The following SEC22B variants were observed in gnomAD, a reference collection of about 807,000 sequenced individuals.
SEC22B encodes SEC22 homolog B, vesicle trafficking protein.
A neutral mutation model predicts 31.4 loss-of-function variants in SEC22B; 10 were observed. The ratio of observed to expected loss-of-function variants is 0.32; its 90% confidence interval spans 0.20 to 0.54. The LOEUF (loss-of-function observed/expected upper bound fraction) is 0.54. Among genes scored for constraint, SEC22B ranks in the 20% least tolerant of loss-of-function variants. SEC22B has a pLI of 0.94. For synonymous variants in SEC22B, 60 were observed against 95.9 expected, an observed-to-expected ratio of 0.63 and a Z score of 2.19; for missense variants, 130 against 263.4, an observed-to-expected ratio of 0.49 and a Z score of 3.50.
intron 2 of SEC22B, among the ~76,000 whole-genome samples, chr1:120,168,047 G>A (rs1173940706): frequency 1.4e-5 from 2 of 140,386 alleles, no homozygotes; most frequent in Non-Finnish European, 3.0e-5. Flanking sequence ...TATAGGTAGA[G>A]AATTTTTGTT....
rs1657578611 is a variant in SEC22B, at chr1:120,153,431, C to T, written c.*3607G>A. 1.3e-5 allele frequency: 2 copies of T among 150,170 alleles called. No homozygotes were observed. 9.3% of individuals were successfully genotyped at this position (150,170 alleles called of 1,614,324 possible). A position where few individuals can be genotyped will look rare whatever the true frequency, so the allele number is the denominator to read the frequency against. The stretch of plus-strand genomic sequence containing the variant: ...TTTTATTATACATGTTTTATTAAAC[C>T]CTATATGTGCAGAAATGATTGTCCA... On this transcript the variant is annotated 3_prime_UTR_variant, in exon 5 of 5. Transcript: ENST00000578049.
At chr1:120,165,113 A>T (rs1657786029) in intron 2 of SEC22B, among the ~76,000 whole-genome samples, 3 of 152,152 alleles carry the variant, frequency 2.0e-5, no homozygotes, top group Admixed American at 2.0e-4. Flanking sequence ...TTTGCTTAAT[A>T]CTTAAGACTT....
At position 120,163,317 on chromosome 1, in the gene SEC22B, G is replaced by A; in HGVS notation, c.239C>T (p.Pro80Leu). Residue 80 changes from proline (P) to leucine (L), a missense_variant, in exon 3 of 5, where the codon CCT becomes CTT. Around this residue, in one of 4 missense-constraint regions of SEC22B, gnomAD observed 41 missense variants for 124.9 expected, o/e 0.33. Transcript: ENST00000578049. The part of the protein sequence containing the change: ...CYLVLCEAAF[P>L]KKLAFAYLED... Reference sequence around the variant, plus strand: ...TAGGTAGGCAAAAGCCAACTTCTTAGGGAAGGCAGCTTCACATAAAACCAA... The same window carrying A: ...TAGGTAGGCAAAAGCCAACTTCTTAAGGAAGGCAGCTTCACATAAAACCAA... 1 of 1,608,056 alleles carries A rather than the reference G, an allele frequency of 6.2e-7. No individual in the cohort carries two copies. The highest frequency in any genetic ancestry group is 8.5e-7 in the Non-Finnish European group (1 of 1,176,876).
chr1:120,172,906 A>G (rs1657911935), intron 1 of SEC22B, among the ~76,000 whole-genome samples: 1 of 141,052 alleles, frequency 7.1e-6, no homozygotes, highest in Non-Finnish European at 1.5e-5. Flanking sequence ...TTGGATCTAT[A>G]TATTACAAAA....
rs1361200444 is a variant in SEC22B, at chr1:120,152,003, G to T, written c.*5035C>A. On this transcript the variant is annotated 3_prime_UTR_variant, in exon 5 of 5. Coordinates refer to ENST00000578049, the MANE Select transcript of SEC22B (RefSeq NM_004892.6). ...GTTTGGTTTTATCTTTGAGAACAATGGAGTGGAGGTATGCTTTAGATGCAA... is the reference window on the plus strand; with the variant it reads ...GTTTGGTTTTATCTTTGAGAACAATTGAGTGGAGGTATGCTTTAGATGCAA... 1 of 152,132 alleles carries T rather than the reference G, an allele frequency of 6.6e-6. No individual in the cohort carries two copies. The highest frequency in any genetic ancestry group is 1.5e-5 in the Non-Finnish European group (1 of 68,072). The allele number at this position is 152,132 out of a possible 1,614,324, so 9.4% of individuals were successfully genotyped here.
Position 120,176,512 on chromosome 1 carries a change from C to T in SEC22B, c.-131G>A, listed in dbSNP as rs1657970500. The T allele has an allele frequency of 2.5e-6, 2 of 810,302 alleles. No individual in the cohort carries two copies. Among genetic ancestry groups the T allele is most frequent in the African/African-American group, 3.4e-5 (2 of 58,586 alleles). The allele number at this position is 810,302 out of a possible 1,614,324, so 50.2% of individuals were successfully genotyped here. A position where few individuals can be genotyped will look rare whatever the true frequency, so the allele number is the denominator to read the frequency against. The stretch of plus-strand genomic sequence containing the variant: ...TCCAGCTGCTTGCGTCTCCGCTTCC[C>T]GCTGAGGTGGCCGGAAACAGCGCAA... On this transcript the variant is annotated 5_prime_UTR_variant, in exon 1 of 5. Transcript: ENST00000578049.
rs1657747219 is a variant in SEC22B at position 120,163,198 on chromosome 1, G to T, written c.346+12C>A. On this transcript the variant is annotated intron_variant, in intron 3 of 4. Coordinates refer to ENST00000578049, the MANE Select transcript of SEC22B (RefSeq NM_004892.6). The stretch of plus-strand genomic sequence containing the variant: ...CTCCCTTGATAGAGAGAAGTGAGGG[G>T]CAAAAACTTACCAAATTCAATAAAG... The T allele has an allele frequency of 7.6e-7, 1 of 1,323,520 alleles. No homozygotes were observed. 82.0% of individuals were successfully genotyped at this position (1,323,520 alleles called of 1,614,324 possible).
chr1:120,166,299 T>C (rs1657805963), intron 2 of SEC22B, among the ~76,000 whole-genome samples: 1 of 147,722 alleles, frequency 6.8e-6, no homozygotes, highest in East Asian at 2.0e-4. Flanking sequence ...AACTTATCTG[T>C]ACCCCCATGT....
Position 120,153,107 on chromosome 1 carries a change from G to T in SEC22B, c.*3931C>A, listed in dbSNP as rs1553228941. 1 of 151,822 alleles carries T rather than the reference G, an allele frequency of 6.6e-6. No individual in the cohort carries two copies. The highest frequency in any genetic ancestry group is 2.4e-5 in the African/African-American group (1 of 41,174). 9.4% of individuals were successfully genotyped at this position (151,822 alleles called of 1,614,324 possible). A position where few individuals can be genotyped will look rare whatever the true frequency, so the allele number is the denominator to read the frequency against. ...AGAACTGAGTGACTACATTGCTTCA[G>T]ATAGTTTTATACTGCTAGGTCAACG... is the stretch of plus-strand genomic sequence containing the variant. On this transcript the variant is annotated 3_prime_UTR_variant, in exon 5 of 5. Coordinates refer to ENST00000578049, the MANE Select transcript of SEC22B (RefSeq NM_004892.6).
At chr1:120,157,240 T>A in intron 4 of SEC22B, 48 bp from the exon 5 acceptor site, 3 of 1,270,760 alleles carry the variant, frequency 2.4e-6, no homozygotes, top group Non-Finnish European at 3.1e-6. Flanking sequence ...CTGGAAGTAT[T>A]TTACCGAAAG....
rs1365816405 is a variant in SEC22B, at chr1:120,175,487, C to A, written c.75+820G>T. On this transcript the variant is annotated intron_variant, in intron 1 of 4. Coordinates refer to ENST00000578049, the MANE Select transcript of SEC22B (RefSeq NM_004892.6). ...TTAAACAAATTATATAAATTCCATT[C>A]TCAGCTTTGTCTTCAGAACCTCCCA... Among the ~76,000 whole-genome samples, 7 of 151,132 alleles carry A rather than the reference C, an allele frequency of 4.6e-5. No individual in the cohort carries two copies. The East Asian group carries it at 1.4e-3, about 29-fold the overall frequency.
At chr1:120,160,988 A>C (rs1190111193) in intron 3 of SEC22B, among the ~76,000 whole-genome samples, 1 of 152,136 alleles carries the variant, frequency 6.6e-6, no homozygotes, top group Non-Finnish European at 1.5e-5. Context: ...ATCAAAATCT[A>C]GGCTTTGATT....
chr1:120,176,447 C>T lies in SEC22B; in HGVS notation c.-66G>A. ...CTTGGCGCCGTCCTCACTTCCTCCG[C>T]CGCGACAACAGTTATACCCTATGTC... On this transcript the variant is annotated 5_prime_UTR_variant, in exon 1 of 5. Transcript: ENST00000578049. 7.1e-7 allele frequency: 1 copy of T among 1,413,628 alleles called. No homozygotes were observed. The highest frequency in any genetic ancestry group is 1.2e-5 in the South Asian group (1 of 84,808). The allele number at this position is 1,413,628 out of a possible 1,614,324, so 87.6% of individuals were successfully genotyped here. A position where few individuals can be genotyped will look rare whatever the true frequency, so the allele number is the denominator to read the frequency against.
intron 2 of SEC22B, among the ~76,000 whole-genome samples, chr1:120,163,919 T>C (rs1369164287): frequency 6.6e-6 from 1 of 150,388 alleles, no homozygotes; most frequent in Non-Finnish European, 1.5e-5. Flanking sequence ...GACATATTTA[T>C]TATAATTTTT....
rs1342508509 is a variant in SEC22B at position 120,152,405 on chromosome 1, AAAC to A, written c.*4630_*4632del. 1 of 149,948 alleles carries A rather than the reference AAAC, an allele frequency of 6.7e-6. No homozygotes were observed. Among genetic ancestry groups the A allele is most frequent in the African/African-American group, 2.5e-5 (1 of 40,090 alleles). 9.3% of individuals were successfully genotyped at this position (149,948 alleles called of 1,614,324 possible). On this transcript the variant is annotated 3_prime_UTR_variant, in exon 5 of 5. Coordinates refer to ENST00000578049, the MANE Select transcript of SEC22B (RefSeq NM_004892.6). ...TACCAGTACATTAACTCATATGTCA[AAAC>A]AACATCTAGAGAAACAAAAAATGAA...
intron 3 of SEC22B, among the ~76,000 whole-genome samples, chr1:120,161,935 C>T (rs1657725106): frequency 7.6e-6 from 1 of 131,166 alleles, no homozygotes; most frequent in Non-Finnish European, 1.5e-5. Flanking sequence ...CTCAAGACTC[C>T]TTGCTCTGTG....
In SEC22B at chr1:120,176,481, C is replaced by G; in HGVS notation, c.-100G>C. 9.3e-7 allele frequency: 1 copy of G among 1,071,254 alleles called. No individual in the cohort carries two copies. The highest frequency in any genetic ancestry group is 1.4e-6 in the Non-Finnish European group (1 of 723,552). The allele number at this position is 1,071,254 out of a possible 1,614,324, so 66.4% of individuals were successfully genotyped here. On this transcript the variant is annotated 5_prime_UTR_variant, in exon 1 of 5. Coordinates refer to ENST00000578049, the MANE Select transcript of SEC22B (RefSeq NM_004892.6). The stretch of plus-strand genomic sequence containing the variant: ...CAGTTATACCCTATGTCTCAGTTAC[C>G]GGAGATCCAGCTGCTTGCGTCTCCG...
chr1:120,171,850 T>G (rs1657900460), intron 1 of SEC22B, among the ~76,000 whole-genome samples: 1 of 150,228 alleles, frequency 6.7e-6, no homozygotes, highest in South Asian at 2.1e-4. Context: ...TTCTACAATA[T>G]GCACAAATTA....
Position 120,153,925 on chromosome 1 carries a change from A to T in SEC22B, c.*3113T>A, listed in dbSNP as rs1323256441. The T allele has an allele frequency of 6.6e-6, 1 of 151,610 alleles. No homozygotes were observed. Among genetic ancestry groups the T allele is most frequent in the Non-Finnish European group, 1.5e-5 (1 of 67,910 alleles). The allele number at this position is 151,610 out of a possible 1,614,324, so 9.4% of individuals were successfully genotyped here. ...AGGTTTCTCAAAATGCTCAAGAACC[A>T]TTGTTAGATATTTAAATAACCAGAG... On this transcript the variant is annotated 3_prime_UTR_variant, in exon 5 of 5. Transcript: ENST00000578049.
Sources: gnomAD v4.1 joint callset for allele counts (sites outside exome capture counted in the v4.1 genomes callset) on GRCh38, gnomAD v4.1.1 for gene constraint, gnomAD v4.1.1 regional missense constraint, MANE v1.5 for transcripts, NCBI Gene and HGNC (gene_info 2026-07-23, HGNC 2026-07-21) for gene names.